The following TMEM266 variants were observed in gnomAD, a reference collection of about 807,000 sequenced individuals.
TMEM266 encodes Hv1 related protein 1.
Under a neutral mutation model 50.5 loss-of-function variants are expected in TMEM266, and 33 were observed. The observed-to-expected ratio is 0.65, with a 90% CI of 0.50 to 0.87. The LOEUF (loss-of-function observed/expected upper bound fraction) is 0.87, where lower values mean the gene tolerates loss of function less well. TMEM266 is among the 40% of genes least tolerant of loss of function. The pLI is 0.00. For missense variants in TMEM266, 655 were observed against 695.1 expected, an observed-to-expected ratio of 0.94 and a Z score of 0.65; for synonymous variants, 310 against 292.3, an observed-to-expected ratio of 1.06 and a Z score of -0.62.
In TMEM266 at chr15:76,160,698, A is replaced by G. The variant is rs189221037; in HGVS notation, c.456+530A>G. Among the ~76,000 whole-genome samples the G allele has an allele frequency of 4.6e-5, 7 of 152,278 alleles. No homozygotes were observed. Among genetic ancestry groups the G allele is most frequent in the Admixed American group, 4.6e-4 (7 of 15,300 alleles). ...GGGCCCTGGGTCTGACAGGGCCGAA[A>G]GATGTGCCTCTCAGTGTGAGTGCGA... is the stretch of plus-strand genomic sequence containing the variant. On this transcript the variant is annotated intron_variant, in intron 5 of 10. Coordinates refer to ENST00000388942, the MANE Select transcript of TMEM266 (RefSeq NM_152335.3). The surrounding 1 kb of genome is among the most constrained non-coding windows in gnomAD (Gnocchi z 5.7).
rs554300730 is a variant in TMEM266 at position 76,093,323 on chromosome 15, G to A, written c.-97+33307G>A. 4.7e-5 allele frequency among the ~76,000 whole-genome samples: 7 copies of A among 149,296 alleles called. No homozygotes were observed. The East Asian group carries it at 1.4e-3, about 30-fold the overall frequency. ...CCCCCAACAGGCCCTGGTGTGTGAT[G>A]TTCCCCTCCCTATGTCCATGTGTTC... On this transcript the variant is annotated intron_variant, in intron 1 of 10. Transcript: ENST00000388942.
chr15:76,194,634 G>A (rs965802464), intron 9 of TMEM266, among the ~76,000 whole-genome samples: 1 of 152,192 alleles, frequency 6.6e-6, no homozygotes, highest in African/African-American at 2.4e-5. Flanking sequence ...TGGGGGCTGG[G>A]AGTGAGAATC....
intron 9 of TMEM266, among the ~76,000 whole-genome samples, chr15:76,199,855 G>C (rs984261981): frequency 4.6e-5 from 7 of 150,696 alleles, no homozygotes; most frequent in African/African-American, 1.5e-4. Flanking sequence ...AGAATGCACA[G>C]GGGCTTTCCA....
chr15:76,087,890 C>T (rs1243613411), intron 1 of TMEM266, among the ~76,000 whole-genome samples: 1 of 152,218 alleles, frequency 6.6e-6, no homozygotes, highest in Non-Finnish European at 1.5e-5. Flanking sequence ...CTCAGCAGCT[C>T]CTTTCTCAGG....
At chr15:76,130,314 G>A (rs1363812873) in intron 1 of TMEM266, among the ~76,000 whole-genome samples, 1 of 148,592 alleles carries the variant, frequency 6.7e-6, no homozygotes, top group Non-Finnish European at 1.5e-5. Flanking sequence ...GAGGCGGTTG[G>A]CTCACTTGAG....
intron 1 of TMEM266, among the ~76,000 whole-genome samples, chr15:76,129,675 A>G (rs990667210): frequency 4.0e-5 from 6 of 151,884 alleles, no homozygotes; most frequent in Non-Finnish European, 8.8e-5. Flanking sequence ...ACAAAACAAA[A>G]AAAACTGCTA....
At chr15:76,162,576 G>A (rs962978887) in intron 5 of TMEM266, among the ~76,000 whole-genome samples, 2 of 152,178 alleles carry the variant, frequency 1.3e-5, no homozygotes, top group South Asian at 2.1e-4. Flanking sequence ...TACCAGTGGC[G>A]TCCTTTCAAA....
chr15:76,097,227 G>A (rs899047388), intron 1 of TMEM266, among the ~76,000 whole-genome samples: 9 of 151,950 alleles, frequency 5.9e-5, no homozygotes, highest in African/African-American at 2.2e-4. Flanking sequence ...TTTGCAATTT[G>A]GTATGTTTTT....
chr15:76,111,788 A>G (rs2037174432), intron 1 of TMEM266, among the ~76,000 whole-genome samples: 2 of 152,264 alleles, frequency 1.3e-5, no homozygotes, highest in South Asian at 4.1e-4. Context: ...ATTTACCCAA[A>G]TGAGTTGAAA....
At chr15:76,155,284 T>G (rs563060022) in intron 3 of TMEM266, among the ~76,000 whole-genome samples, 167 of 152,238 alleles carry the variant, frequency 1.1e-3, no homozygotes, top group African/African-American at 3.6e-3. Context: ...ATACCTAAAC[T>G]ACCAAGCAGG....
chr15:76,107,480 C>T (rs2037101285), intron 1 of TMEM266, among the ~76,000 whole-genome samples: 1 of 152,190 alleles, frequency 6.6e-6, no homozygotes, highest in African/African-American at 2.4e-5. Flanking sequence ...ATGAAAGAAA[C>T]TGTTATGCCC....
At chr15:76,147,979 A>C (rs1360682288) in intron 3 of TMEM266, among the ~76,000 whole-genome samples, 2 of 152,224 alleles carry the variant, frequency 1.3e-5, no homozygotes, top group Non-Finnish European at 2.9e-5. Flanking sequence ...AAAATAAATA[A>C]ATTTAAAAAA....
chr15:76,130,256 C>CAAA (rs2037488503), intron 1 of TMEM266, among the ~76,000 whole-genome samples: 1 of 13,710 alleles, frequency 7.3e-5, no homozygotes, highest in Non-Finnish European at 1.4e-4. Flanking sequence ...AAAAAAAAAC[C>CAAA]GCCGGGTGCA....
chr15:76,202,406 A>G (rs2038762973), intron 10 of TMEM266, 142 bp downstream of exon 10: 2 of 750,968 alleles, frequency 2.7e-6, no homozygotes, highest in Non-Finnish European at 4.2e-6. Context: ...AGGTTAAAAT[A>G]TCGGAGCTTC....
rs371307638 is a variant in TMEM266, at chr15:76,202,218, C to T, written c.975C>T (p.Asp325=). 39 of 1,613,752 alleles carry T rather than the reference C, an allele frequency of 2.4e-5. No individual in the cohort carries two copies. The highest frequency in any genetic ancestry group is 3.2e-5 in the Non-Finnish European group (38 of 1,179,836). The change falls in exon 10 of 11, where the codon GAC becomes GAT. Residue 325 remains aspartate, a synonymous_variant. Transcript: ENST00000388942. Reference sequence around the variant, plus strand: ...CCTCTGTAGAAGCCACGATGAAGGACGACATGAACAGCTACATCAGTCAGT... The same window carrying T: ...CCTCTGTAGAAGCCACGATGAAGGATGACATGAACAGCTACATCAGTCAGT...
intron 8 of TMEM266, chr15:76,175,896 C>T (rs1313886363): frequency 6.5e-6 from 3 of 463,902 alleles, no homozygotes; most frequent in African/African-American, 6.0e-5. Flanking sequence ...ACTCCCAGGC[C>T]AGGGTTCTTT....
At chr15:76,202,316 A>C in intron 10 of TMEM266, 52 bp downstream of exon 10, 1 of 1,522,774 alleles carries the variant, frequency 6.6e-7, no homozygotes, top group South Asian at 1.2e-5. Context: ...AGCAATCCCT[A>C]AACCCAGAGA....
In TMEM266 at chr15:76,168,672, A is replaced by G. The variant is rs1238117711; in HGVS notation, c.457-1144A>G. On this transcript the variant is annotated intron_variant, in intron 5 of 10. Coordinates refer to ENST00000388942, the MANE Select transcript of TMEM266 (RefSeq NM_152335.3). The surrounding 1 kb of genome is among the most constrained non-coding windows in gnomAD (Gnocchi z 4.4). ...CGCATTGTTCATCTGTCCACAGTGC[A>G]TAATCGCCTGGTGGCTACTGTATGC... 6.6e-6 allele frequency among the ~76,000 whole-genome samples: 1 copy of G among 152,260 alleles called. No individual in the cohort carries two copies. The highest frequency in any genetic ancestry group is 1.5e-5 in the Non-Finnish European group (1 of 68,044).
At chr15:76,130,131 G>GA (rs1267360190) in intron 1 of TMEM266, among the ~76,000 whole-genome samples, 1 of 148,450 alleles carries the variant, frequency 6.7e-6, no homozygotes, top group African/African-American at 2.5e-5. Flanking sequence ...ATGGTGGGGG[G>GA]ATCACTTTTA....
Sources: allele counts gnomAD v4.1 joint callset (sites outside exome capture counted in the v4.1 genomes callset), GRCh38; gene constraint gnomAD v4.1.1; non-coding constraint Gnocchi (gnomAD v3.1); transcripts MANE v1.5; gene names NCBI Gene and HGNC (gene_info 2026-07-23, HGNC 2026-07-21).